The following CYP39A1 variants were observed in gnomAD, a reference collection of about 807,000 sequenced individuals.
CYP39A1 encodes cytochrome P450 family 39 subfamily A member 1.
Under a neutral mutation model 58.1 loss-of-function variants are expected in CYP39A1, and 49 were observed. That is an observed-to-expected ratio of 0.84 (90% CI 0.67 to 1.07). The LOEUF (loss-of-function observed/expected upper bound fraction) is 1.07. CYP39A1 is among the 50% of genes least tolerant of loss of function. The pLI is 0.00. For synonymous variants in CYP39A1, 209 were observed against 187.6 expected (o/e 1.11, Z -0.93); for missense variants, 531 against 539.4 (o/e 0.98, Z 0.16).
intron 7 of CYP39A1, among the ~76,000 whole-genome samples, chr6:46,596,424 A>C (rs1211864196): frequency 6.6e-6 from 1 of 152,102 alleles, no homozygotes; most frequent in Admixed American, 6.6e-5. Flanking sequence ...CCTTGTCAGA[A>C]AGGTTTTACT....
chr6:46,609,774 C>T (rs1289747862), intron 7 of CYP39A1, among the ~76,000 whole-genome samples: 1 of 152,184 alleles, frequency 6.6e-6, no homozygotes, highest in East Asian at 1.9e-4. Context: ...AAAATCAATA[C>T]TCTATATTAC....
Position 46,623,570 on chromosome 6 carries a change from T to A in CYP39A1, c.931+1848A>T, listed in dbSNP as rs570638309. Among the ~76,000 whole-genome samples the A allele has an allele frequency of 2.6e-5, 4 of 152,280 alleles. No homozygotes were observed. The South Asian group carries it at 8.3e-4, about 32-fold the overall frequency. On this transcript the variant is annotated intron_variant, in intron 7 of 11. Coordinates refer to ENST00000275016, the MANE Select transcript of CYP39A1 (RefSeq NM_016593.5). The stretch of plus-strand genomic sequence containing the variant: ...CTGCATCAACAGCACATCATGGGAC[T>A]CCTCAGCCTCCATAGTCAGGTCAGC...
intron 11 of CYP39A1, among the ~76,000 whole-genome samples, chr6:46,551,598 G>C (rs551161454): frequency 1.3e-5 from 2 of 152,244 alleles, no homozygotes; most frequent in African/African-American, 4.8e-5. Flanking sequence ...ATTATTTAAG[G>C]CCTTTTGAGG....
intron 10 of CYP39A1, among the ~76,000 whole-genome samples, chr6:46,561,886 G>C (rs1448207734): frequency 6.6e-6 from 1 of 152,118 alleles, no homozygotes; most frequent in Non-Finnish European, 1.5e-5. Flanking sequence ...GTTACCAAAG[G>C]CTGGGGTTAG....
intron 8 of CYP39A1, among the ~76,000 whole-genome samples, chr6:46,593,332 T>A (rs1232717529): frequency 6.6e-6 from 1 of 151,912 alleles, no homozygotes; most frequent in Non-Finnish European, 1.5e-5. Flanking sequence ...ATATGGGAGG[T>A]TAATAGCCCC....
At chr6:46,616,528 C>A (rs915903812) in intron 7 of CYP39A1, among the ~76,000 whole-genome samples, 1 of 151,876 alleles carries the variant, frequency 6.6e-6, no homozygotes, top group South Asian at 2.1e-4. Context: ...CCATCATGCC[C>A]ACCCATTTAT....
At position 46,588,088 on chromosome 6, in the gene CYP39A1, T is replaced by A; in HGVS notation, c.1107A>T (p.Pro369=). ...IPSGDLLMLS[P]FWLHRNPKYF... Reference sequence around the variant, plus strand: ...ACTTTGGATTTCTATGCAGCCAAAATGGAGACAACATCAACAAGTCACCAG... The same window carrying A: ...ACTTTGGATTTCTATGCAGCCAAAAAGGAGACAACATCAACAAGTCACCAG... Residue 369 remains proline, a synonymous_variant, in exon 9 of 12, where the codon CCA becomes CCT. Transcript: ENST00000275016. 6.2e-7 allele frequency: 1 copy of A among 1,602,310 alleles called. No individual in the cohort carries two copies. Among genetic ancestry groups the A allele is most frequent in the South Asian group, 1.1e-5 (1 of 88,904 alleles).
At chr6:46,558,256 G>C (rs1037201538) in intron 10 of CYP39A1, among the ~76,000 whole-genome samples, 1 of 150,748 alleles carries the variant, frequency 6.6e-6, no homozygotes, top group African/African-American at 2.4e-5. Context: ...GGGAATTTAT[G>C]AAAAAAAAAG....
At chr6:46,567,664 G>A (rs1289984247) in intron 10 of CYP39A1, among the ~76,000 whole-genome samples, 1 of 152,024 alleles carries the variant, frequency 6.6e-6, no homozygotes, top group Non-Finnish European at 1.5e-5. Flanking sequence ...TCATTCTAAT[G>A]GATATGCCAA....
chr6:46,599,821 A>G (rs1244371258), intron 7 of CYP39A1, among the ~76,000 whole-genome samples: 1 of 152,116 alleles, frequency 6.6e-6, no homozygotes, highest in African/African-American at 2.4e-5. Flanking sequence ...TTGCAGGTCT[A>G]AAAGGCATCT....
In CYP39A1 at chr6:46,652,605, A is replaced by T; in HGVS notation, c.-23T>A. ...CATGTTTTTGTCCAGCACCTTCCAGAAGCAGAAAAGTGTGAAACAGTCCTG... is the reference window on the plus strand; with the variant it reads ...CATGTTTTTGTCCAGCACCTTCCAGTAGCAGAAAAGTGTGAAACAGTCCTG... On this transcript the variant is annotated 5_prime_UTR_variant, in exon 1 of 12. Coordinates refer to ENST00000275016, the MANE Select transcript of CYP39A1 (RefSeq NM_016593.5). 6.4e-7 allele frequency: 1 copy of T among 1,565,482 alleles called. No homozygotes were observed. The highest frequency in any genetic ancestry group is 1.2e-5 in the South Asian group (1 of 82,756).
In CYP39A1 at chr6:46,583,547, C is replaced by T. The variant is rs531124279; in HGVS notation, c.1250+3530G>A. On this transcript the variant is annotated intron_variant, in intron 10 of 11. Transcript: ENST00000275016. ...TGCAAGCTACAATTTCTGAAGAAGT[C>T]TGGTGGTTCATGCTGCTCTTTCCTG... is the stretch of plus-strand genomic sequence containing the variant. 232 of 985,366 alleles carry T rather than the reference C, an allele frequency of 2.4e-4. 3 individuals carry two copies. In the South Asian group the frequency reaches 9.9e-3, roughly 42 times the overall value. The allele number at this position is 985,366 out of a possible 1,614,324, so 61.0% of individuals were successfully genotyped here. A position where few individuals can be genotyped will look rare whatever the true frequency, so the allele number is the denominator to read the frequency against.
intron 6 of CYP39A1, among the ~76,000 whole-genome samples, chr6:46,628,681 A>C (rs1368466925): frequency 6.6e-6 from 1 of 152,138 alleles, no homozygotes; most frequent in Non-Finnish European, 1.5e-5. Flanking sequence ...TCTGGGCTCC[A>C]GGAAAAGACA....
At chr6:46,588,696 G>A (rs115805050) in intron 8 of CYP39A1, among the ~76,000 whole-genome samples, 2,890 of 151,542 alleles carry the variant, frequency 0.019, 54 homozygotes, top group Non-Finnish European at 0.029. Context: ...GTCCAGCACC[G>A]GTTATTAGGA....
chr6:46,652,621 A>C lies in CYP39A1; in HGVS notation c.-39T>G. The C allele has an allele frequency of 6.5e-7, 1 of 1,538,878 alleles. No homozygotes were observed. Among genetic ancestry groups the C allele is most frequent in the Non-Finnish European group, 8.8e-7 (1 of 1,142,274 alleles). ...ACCTTCCAGAAGCAGAAAAGTGTGA[A>C]ACAGTCCTGCCGTCCCTTGCTTCTT... On this transcript the variant is annotated 5_prime_UTR_variant, in exon 1 of 12. Coordinates refer to ENST00000275016, the MANE Select transcript of CYP39A1 (RefSeq NM_016593.5).
chr6:46,585,326 G>C (rs1292787675), intron 10 of CYP39A1, among the ~76,000 whole-genome samples: 1 of 81,550 alleles, frequency 1.2e-5, no homozygotes, highest in Non-Finnish European at 2.9e-5. Flanking sequence ...TATTGGTATA[G>C]ATAGATAGAT....
rs1770309340 is a variant in CYP39A1 at position 46,550,083 on chromosome 6, A to C, written c.*283T>G. On this transcript the variant is annotated 3_prime_UTR_variant, in exon 12 of 12. Coordinates refer to ENST00000275016, the MANE Select transcript of CYP39A1 (RefSeq NM_016593.5). ...ATTTAATGTTTTAATACAGTTATGC[A>C]TGAAATCAAATTCCAACTTCTTAAA... is the stretch of plus-strand genomic sequence containing the variant. 3 of 287,060 alleles carry C rather than the reference A, an allele frequency of 1.0e-5. No homozygotes were observed. Among genetic ancestry groups the C allele is most frequent in the African/African-American group, 6.5e-5 (3 of 46,006 alleles). 17.8% of individuals were successfully genotyped at this position (287,060 alleles called of 1,614,324 possible). A position where few individuals can be genotyped will look rare whatever the true frequency, so the allele number is the denominator to read the frequency against.
At chr6:46,616,259 T>TTCCTTCCTTCCTTCCTTCCTTC (rs1561994544) in intron 7 of CYP39A1, among the ~76,000 whole-genome samples, 8 of 68,076 alleles carry the variant, frequency 1.2e-4, no homozygotes, top group Non-Finnish European at 1.9e-4. Flanking sequence ...TTCCTTCCTT[T>TTCCTTCCTTCCTTCCTTCCTTC]CTTCCTTCCT....
intron 10 of CYP39A1, among the ~76,000 whole-genome samples, chr6:46,570,747 T>C (rs1191165019): frequency 6.6e-6 from 1 of 152,052 alleles, no homozygotes; most frequent in African/African-American, 2.4e-5. Flanking sequence ...TGGGAGAGGT[T>C]CCAAACTCTT....
Sources: gnomAD v4.1 joint callset for allele counts (sites outside exome capture counted in the v4.1 genomes callset) on GRCh38, gnomAD v4.1.1 for gene constraint, MANE v1.5 for transcripts, NCBI Gene and HGNC (gene_info 2026-07-23, HGNC 2026-07-21) for gene names.